Variants in PTPRM observed in about 807,000 individuals in gnomAD.
PTPRM encodes protein tyrosine phosphatase receptor type M, also known as receptor-type tyrosine-protein phosphatase mu.
A neutral mutation model predicts 186.7 loss-of-function variants in PTPRM; 47 were observed. The ratio of observed to expected loss-of-function variants is 0.25; its 90% CI spans 0.20 to 0.32. PTPRM has a LOEUF of 0.32. Among genes scored for constraint, PTPRM ranks in the 10% least tolerant of loss-of-function variants. The pLI is 1.00. For missense variants in PTPRM, 1,494 were observed against 1,865.0 expected, an observed-to-expected ratio of 0.80 and a Z score of 3.66; for synonymous variants, 668 against 674.9, an observed-to-expected ratio of 0.99 and a Z score of 0.16.
intron 7 of PTPRM, among the ~76,000 whole-genome samples, chr18:7,964,212 A>C (rs1049635298): frequency 6.6e-6 from 1 of 152,168 alleles, no homozygotes; most frequent in Non-Finnish European, 1.5e-5. Context: ...ATGTGTTTTA[A>C]AAGGACTTGG....
chr18:7,635,297 C>G (rs1050143662), intron 1 of PTPRM, among the ~76,000 whole-genome samples: 3 of 152,086 alleles, frequency 2.0e-5, no homozygotes, highest in Non-Finnish European at 4.4e-5. Context: ...ATTATAATAG[C>G]TAAGGCAATT....
intron 23 of PTPRM, among the ~76,000 whole-genome samples, chr18:8,358,896 CCTT>C (rs1189119731): frequency 2.0e-5 from 3 of 152,136 alleles, no homozygotes; most frequent in Non-Finnish European, 4.4e-5. Context: ...GTACTGCCCT[CCTT>C]CTGTTGATTT....
rs779940969 is a variant in PTPRM, at chr18:7,602,870, GTTA to G, written c.73+34984_73+34986del. On this transcript the variant is annotated intron_variant, in intron 1 of 32. Transcript: ENST00000580170. ...CTAAAAATATTAAGAGAAAATATGA[GTTA>G]TTATGAAAATATCTAAGAACGATGT... 2.5e-3 allele frequency among the ~76,000 whole-genome samples: 372 copies of G among 147,918 alleles called. 1 individual carries two copies. The highest frequency in any genetic ancestry group is 5.7e-3 in the Admixed American group (84 of 14,812).
intron 1 of PTPRM, among the ~76,000 whole-genome samples, chr18:7,675,422 C>A (rs2144520554): frequency 6.6e-6 from 1 of 152,166 alleles, no homozygotes; most frequent in African/African-American, 2.4e-5. Flanking sequence ...CACATGAACA[C>A]CAGGGCTTAA....
At chr18:7,638,133 A>T (rs2038361941) in intron 1 of PTPRM, among the ~76,000 whole-genome samples, 1 of 152,194 alleles carries the variant, frequency 6.6e-6, no homozygotes, top group Non-Finnish European at 1.5e-5. Flanking sequence ...CTCACAGAGT[A>T]TATGCCCCTT....
At chr18:8,027,319 A>G (rs1216957964) in intron 7 of PTPRM, among the ~76,000 whole-genome samples, 2 of 152,210 alleles carry the variant, frequency 1.3e-5, no homozygotes, top group Non-Finnish European at 2.9e-5. Flanking sequence ...TCTTAGTTTC[A>G]TTCAATTTTT....
intron 14 of PTPRM, among the ~76,000 whole-genome samples, chr18:8,223,080 C>T (rs560494698): frequency 2.0e-5 from 3 of 152,160 alleles, no homozygotes; most frequent in South Asian, 4.1e-4. Flanking sequence ...AAAAATTAGC[C>T]GGGCGTGGTG....
chr18:7,716,648 G>A (rs942177238), intron 1 of PTPRM, among the ~76,000 whole-genome samples: 1 of 151,622 alleles, frequency 6.6e-6, no homozygotes, highest in South Asian at 2.1e-4. Flanking sequence ...GAACAAAACA[G>A]CCCCATCAAA....
intron 14 of PTPRM, among the ~76,000 whole-genome samples, chr18:8,212,443 G>A (rs973144983): frequency 6.6e-6 from 1 of 151,956 alleles, no homozygotes; most frequent in South Asian, 2.1e-4. Flanking sequence ...CCCAGTGTGT[G>A]TGTATACACA....
chr18:8,179,454 T>G (rs954603483), intron 14 of PTPRM, among the ~76,000 whole-genome samples: 24 of 151,444 alleles, frequency 1.6e-4, no homozygotes, highest in African/African-American at 5.8e-4. Flanking sequence ...GTCCTAAATA[T>G]CCCTCTTTTT....
At chr18:7,772,353 T>TTCTTTCTTTCTTTC (rs1167122352) in intron 1 of PTPRM, among the ~76,000 whole-genome samples, 16 of 17,036 alleles carry the variant, frequency 9.4e-4, no homozygotes, top group African/African-American at 2.0e-3. Flanking sequence ...TTCTTTCTCT[T>TTCTTTCTTTCTTTC]TCTTTCTTTC....
In PTPRM at chr18:8,353,432, G is replaced by C. The variant is rs566512716; in HGVS notation, c.3054+9912G>C. On this transcript the variant is annotated intron_variant, in intron 23 of 32. Coordinates refer to ENST00000580170, the MANE Select transcript of PTPRM (RefSeq NM_001105244.2). ...TGGAAGAGTATGGAGACACGTTTAG[G>C]AGGTTAGAGCAAGGCTCTAGGTGAA... 3.9e-5 allele frequency among the ~76,000 whole-genome samples: 6 copies of C among 152,298 alleles called. No homozygotes were observed. In the South Asian group the frequency reaches 1.2e-3, roughly 32 times the overall value.
At chr18:8,305,159 G>T (rs1227292971) in intron 20 of PTPRM, among the ~76,000 whole-genome samples, 1 of 152,084 alleles carries the variant, frequency 6.6e-6, no homozygotes, top group Non-Finnish European at 1.5e-5. Context: ...CCTTTTGAAT[G>T]ATTTTATCAG....
At chr18:7,738,318 T>C (rs2040814222) in intron 1 of PTPRM, among the ~76,000 whole-genome samples, 4 of 152,242 alleles carry the variant, frequency 2.6e-5, no homozygotes, top group Non-Finnish European at 5.9e-5. Context: ...TTCTGCTGGT[T>C]GTGGAAGCGT....
At chr18:7,778,851 CT>C (rs2042719258) in intron 2 of PTPRM, among the ~76,000 whole-genome samples, 1 of 152,156 alleles carries the variant, frequency 6.6e-6, no homozygotes, top group African/African-American at 2.4e-5. Context: ...ATATAGTAAC[CT>C]GGTATTTTTT....
intron 7 of PTPRM, among the ~76,000 whole-genome samples, chr18:7,961,000 G>A (rs752318894): frequency 3.1e-4 from 47 of 152,000 alleles, no homozygotes; most frequent in East Asian, 1.2e-3. Context: ...CCTGTTTCTC[G>A]TGTGTGGGTA....
At chr18:8,208,860 A>G (rs1601229220) in intron 14 of PTPRM, among the ~76,000 whole-genome samples, 1 of 152,198 alleles carries the variant, frequency 6.6e-6, no homozygotes, top group Admixed American at 6.5e-5. Flanking sequence ...GGAAGCCATG[A>G]AGACATCAGG....
intron 20 of PTPRM, among the ~76,000 whole-genome samples, chr18:8,308,948 G>GTA (rs533603650): frequency 3.0e-4 from 45 of 152,286 alleles, no homozygotes; most frequent in African/African-American, 1.1e-3. Flanking sequence ...GACAGCGTTG[G>GTA]TATATACTCT....
At chr18:7,625,522 A>G (rs933242329) in intron 1 of PTPRM, among the ~76,000 whole-genome samples, 1 of 137,472 alleles carries the variant, frequency 7.3e-6, no homozygotes, top group African/African-American at 2.6e-5. Flanking sequence ...TTGAATGAAA[A>G]GGTTGGGAGT....
Sources: allele counts gnomAD v4.1 joint callset (sites outside exome capture counted in the v4.1 genomes callset), GRCh38; gene constraint gnomAD v4.1.1; transcripts MANE v1.5; gene names NCBI Gene and HGNC (gene_info 2026-07-23, HGNC 2026-07-21).